Variants in MCCC1 observed in about 807,000 individuals in gnomAD.
MCCC1 encodes the protein methylcrotonoyl-CoA carboxylase subunit alpha, mitochondrial.
A neutral mutation model predicts 83.8 loss-of-function variants in MCCC1; 64 were observed. The observed-to-expected ratio is 0.76, with a 90% CI of 0.62 to 0.94. The LOEUF is 0.94. Among genes scored for constraint, MCCC1 ranks in the 40% least tolerant of loss-of-function variants. MCCC1 has a pLI of 0.00. For missense variants in MCCC1, 807 were observed against 904.7 expected (o/e 0.89, Z 1.39); for synonymous variants, 322 against 315.4 (o/e 1.02, Z -0.22).
chr3:183,114,371 C>T (rs1369669129), intron 1 of MCCC1, among the ~76,000 whole-genome samples: 2 of 151,952 alleles, frequency 1.3e-5, no homozygotes, highest in Non-Finnish European at 2.9e-5. Context: ...GAGCGTTAGC[C>T]GTCTCTCGGT....
intron 2 of MCCC1, among the ~76,000 whole-genome samples, chr3:183,094,325 A>C (rs1419504586): frequency 6.6e-6 from 1 of 152,076 alleles, no homozygotes; most frequent in Non-Finnish European, 1.5e-5. Flanking sequence ...GCTGGGATAC[A>C]GGCATGAGCC....
chr3:183,085,326 C>T (rs939484140), intron 4 of MCCC1, among the ~76,000 whole-genome samples: 1 of 151,954 alleles, frequency 6.6e-6, no homozygotes, highest in Non-Finnish European at 1.5e-5. Flanking sequence ...TTTAAAAAAC[C>T]TCCCAATGGC....
chr3:183,113,089 T>C (rs1177906328), intron 1 of MCCC1, among the ~76,000 whole-genome samples: 3 of 151,506 alleles, frequency 2.0e-5, no homozygotes, highest in Non-Finnish European at 4.4e-5. Context: ...CTGGGCGTGG[T>C]AGTGGGCGCC....
intron 7 of MCCC1, among the ~76,000 whole-genome samples, chr3:183,058,580 G>A (rs977996164): frequency 1.3e-5 from 2 of 152,148 alleles, no homozygotes; most frequent in Non-Finnish European, 2.9e-5. Context: ...AGTGAGCTAC[G>A]ATTGCGCCAC....
upstream of MCCC1, among the ~76,000 whole-genome samples, chr3:183,101,767 C>T (rs570846897): frequency 1.3e-5 from 2 of 152,310 alleles, no homozygotes; most frequent in African/African-American, 2.4e-5. Flanking sequence ...TGCTACTGCT[C>T]ACTCTTTGGG....
chr3:183,068,316 C>T (rs956072527), intron 7 of MCCC1, among the ~76,000 whole-genome samples: 1 of 152,164 alleles, frequency 6.6e-6, no homozygotes, highest in Non-Finnish European at 1.5e-5. Context: ...GCAGTAAAGA[C>T]GTTGGCTAAA....
chr3:183,050,771 G>C (rs992573575), intron 9 of MCCC1, among the ~76,000 whole-genome samples: 1 of 150,814 alleles, frequency 6.6e-6, no homozygotes, highest in African/African-American at 2.4e-5. Flanking sequence ...GACTGACAGT[G>C]TTTGCAAAGG....
chr3:183,056,963 G>A (rs1338894838), intron 8 of MCCC1, among the ~76,000 whole-genome samples: 1 of 152,182 alleles, frequency 6.6e-6, no homozygotes, highest in Non-Finnish European at 1.5e-5. Flanking sequence ...CCAAAGGGCT[G>A]GGACTACAGG....
intron 18 of MCCC1, among the ~76,000 whole-genome samples, chr3:183,015,912 TTTTTTTTTTTTTG>T (rs1711576913): frequency 7.6e-6 from 1 of 132,148 alleles, no homozygotes; most frequent in South Asian, 2.3e-4. Context: ...CTTGCTTTTG[TTTTTTTTTTTTTG>T]TTTTTTGTTG....
chr3:183,092,456 C>A lies in MCCC1; in HGVS notation c.226G>T (p.Val76Leu). 2 of 1,614,228 alleles carry A rather than the reference C, an allele frequency of 1.2e-6. No individual in the cohort carries two copies. The highest frequency in any genetic ancestry group is 1.7e-6 in the Non-Finnish European group (2 of 1,180,038). The change falls in exon 3 of 19, where the codon GTG becomes TTG. Residue 76 changes from valine to leucine, a missense_variant. Val to Leu is a conservative substitution (Grantham distance 32). Coordinates refer to ENST00000265594, the MANE Select transcript of MCCC1 (RefSeq NM_020166.5). ...RTAKKLGVQT[V>L]AVYSEADRNS... ...CTGTCAGCCTCACTATAAACCGCCA[C>A]AGTCTGTACACCCAGTTTTTTGGCT...
At chr3:183,053,602 C>G (rs564217535) in intron 8 of MCCC1, among the ~76,000 whole-genome samples, 1 of 151,396 alleles carries the variant, frequency 6.6e-6, no homozygotes, top group East Asian at 2.0e-4. Context: ...GTCAGGAGTT[C>G]GAGACCAGCC....
At chr3:183,094,995 C>T (rs1416726326) in intron 1 of MCCC1, among the ~76,000 whole-genome samples, 1 of 152,042 alleles carries the variant, frequency 6.6e-6, no homozygotes, top group Non-Finnish European at 1.5e-5. Context: ...ATGACTCATT[C>T]TGCCCTGGCC....
At chr3:183,116,004 T>C (rs2108589722) in exon 1 of MCCC1, 1 of 152,318 alleles carries the variant, frequency 6.6e-6, no homozygotes, top group East Asian at 1.9e-4. Context: ...AAGAGCCCCC[T>C]CAAGTAGGGT....
intron 14 of MCCC1, among the ~76,000 whole-genome samples, chr3:183,033,372 G>A (rs1713242594): frequency 6.6e-6 from 1 of 152,208 alleles, no homozygotes; most frequent in Non-Finnish European, 1.5e-5. Context: ...CCACTCACTA[G>A]CCTTGACTAA....
At chr3:183,046,230 G>C (rs2108487907) in intron 9 of MCCC1, among the ~76,000 whole-genome samples, 1 of 152,170 alleles carries the variant, frequency 6.6e-6, no homozygotes, top group African/African-American at 2.4e-5. Context: ...TGGGATCCAG[G>C]AAACCACCAA....
chr3:183,099,530 T>A (rs1719008714), upstream of MCCC1: 13 of 1,494,006 alleles, frequency 8.7e-6, no homozygotes, highest in Non-Finnish European at 1.2e-5. Context: ...CGAAGCCTCG[T>A]GACCCCCGCC....
intron 9 of MCCC1, among the ~76,000 whole-genome samples, chr3:183,045,921 T>C (rs2108487465): frequency 6.6e-6 from 1 of 152,334 alleles, no homozygotes; most frequent in South Asian, 2.1e-4. Flanking sequence ...AAACTTTTTT[T>C]TCCCTGATTG....
chr3:183,106,998 G>A lies in MCCC1; in HGVS notation c.-102+8476C>T, dbSNP rs868511872. On this transcript the variant is annotated intron_variant, in intron 1 of 17. Coordinates refer to the MCCC1 transcript ENST00000492597. ...GTCACTGCATATTTCCTAAAACAAG[G>A]AGATTTTATCACTTGCCCACAGAAT... Among the ~76,000 whole-genome samples the A allele has an allele frequency of 6.6e-5, 10 of 152,082 alleles. No individual in the cohort carries two copies. The South Asian group carries it at 1.7e-3, about 25-fold the overall frequency.
rs762462230 is a variant in MCCC1, at chr3:183,071,244, A to G, written c.605T>C (p.Val202Ala). The change falls in exon 6 of 19, where the codon GTC becomes GCC. Residue 202 changes from valine (V) to alanine (A), a missense_variant. Val to Ala is a moderately conservative substitution (Grantham distance 64). Coordinates refer to ENST00000265594, the MANE Select transcript of MCCC1 (RefSeq NM_020166.5). ...TCCACCCCGGACGGCTTTAATCATG[A>G]CAGGATAGCCAATTCTCCTGGCGTG... ...KEHARRIGYPVMIKAVRGGGG... is the reference protein window; with the variant it reads ...KEHARRIGYPAMIKAVRGGGG... 5 of 1,614,232 alleles carry G rather than the reference A, an allele frequency of 3.1e-6. No individual in the cohort carries two copies. Among genetic ancestry groups the G allele is most frequent in the Middle Eastern group, 1.6e-4 (1 of 6,062 alleles).
Sources: allele counts gnomAD v4.1 joint callset (sites outside exome capture counted in the v4.1 genomes callset), GRCh38; gene constraint gnomAD v4.1.1; transcripts MANE v1.5; gene names NCBI Gene and HGNC (gene_info 2026-07-23, HGNC 2026-07-21).